Variants in PARD3B observed in about 807,000 individuals in gnomAD.
PARD3B encodes the protein partitioning defective 3 homolog B.
PARD3B carries 103 observed loss-of-function variants against 130.2 expected under a neutral mutation model. That is an observed-to-expected ratio of 0.79 (90% CI 0.67 to 0.93). The LOEUF (loss-of-function observed/expected upper bound fraction) is 0.93. PARD3B is among the 40% of genes least tolerant of loss of function. PARD3B has a pLI of 0.00. For missense variants in PARD3B, 1,609 were observed against 1,499.2 expected, an observed-to-expected ratio of 1.07 and a Z score of -1.21; for synonymous variants, 583 against 553.2, an observed-to-expected ratio of 1.05 and a Z score of -0.76.
At chr2:205,001,809 C>T (rs1396495168) in intron 3 of PARD3B, among the ~76,000 whole-genome samples, 1 of 152,182 alleles carries the variant, frequency 6.6e-6, no homozygotes, top group Non-Finnish European at 1.5e-5. Flanking sequence ...TTGTTCCAGG[C>T]TGATGTGCGC....
intron 19 of PARD3B, among the ~76,000 whole-genome samples, chr2:205,433,989 C>T (rs372853918): frequency 1.3e-5 from 2 of 152,298 alleles, no homozygotes; most frequent in African/African-American, 4.8e-5. Flanking sequence ...TTTTGGTAAA[C>T]ATATGTCGTC....
At chr2:204,978,291 G>C (rs1033352198) in intron 3 of PARD3B, among the ~76,000 whole-genome samples, 30 of 152,164 alleles carry the variant, frequency 2.0e-4, no homozygotes, top group Non-Finnish European at 1.0e-4. Flanking sequence ...GATCAATAAT[G>C]CTTTTAAAAT....
At chr2:205,521,982 A>G (rs562958415) in intron 21 of PARD3B, among the ~76,000 whole-genome samples, 2 of 152,154 alleles carry the variant, frequency 1.3e-5, no homozygotes, top group South Asian at 4.1e-4. Context: ...ATAGATACAG[A>G]TATTTGGAAA....
intron 6 of PARD3B, among the ~76,000 whole-genome samples, chr2:205,114,347 G>T (rs1165684469): frequency 6.6e-6 from 1 of 152,000 alleles, no homozygotes; most frequent in Non-Finnish European, 1.5e-5. Flanking sequence ...GTAATAAGAC[G>T]ACCACATTTA....
At position 205,263,588 on chromosome 2, in the gene PARD3B, G is replaced by A. The variant is rs1288251470; in HGVS notation, c.2185+17766G>A. Among the ~76,000 whole-genome samples, 2 of 151,020 alleles carry A rather than the reference G, an allele frequency of 1.3e-5. No homozygotes were observed. Among genetic ancestry groups the A allele is most frequent in the East Asian group, 3.9e-4 (2 of 5,154 alleles). ...AGAAGCTAATCTGACATGGTTCACAGATCTTAAATGTGAGCACTAAAACTA... is the reference window on the plus strand; with the variant it reads ...AGAAGCTAATCTGACATGGTTCACAAATCTTAAATGTGAGCACTAAAACTA... On this transcript the variant is annotated intron_variant, in intron 16 of 22. Coordinates refer to ENST00000406610, the MANE Select transcript of PARD3B (RefSeq NM_001302769.2). This position sits in a 1 kb window ranked among gnomAD's most constrained non-coding sequence, Gnocchi z 4.0.
intron 2 of PARD3B, among the ~76,000 whole-genome samples, chr2:204,753,293 A>G (rs2040536606): frequency 6.6e-6 from 1 of 152,206 alleles, no homozygotes; most frequent in African/African-American, 2.4e-5. Flanking sequence ...TTTTAAAAAT[A>G]TCTTCAGTTT....
chr2:205,042,425 C>G (rs561043333), intron 3 of PARD3B, among the ~76,000 whole-genome samples: 1 of 152,052 alleles, frequency 6.6e-6, no homozygotes, highest in Non-Finnish European at 1.5e-5. Context: ...GTAAGTTTTT[C>G]CTGAATGTGG....
rs75418921 is a variant in PARD3B at position 204,667,486 on chromosome 2, T to C, written c.121-18695T>C. ...CTTCTGAGTTCCAGTCCCAGATTTTTAGCTGCCTGTTAGACTTCTTTACCT... is the reference window on the plus strand; with the variant it reads ...CTTCTGAGTTCCAGTCCCAGATTTTCAGCTGCCTGTTAGACTTCTTTACCT... On this transcript the variant is annotated intron_variant, in intron 1 of 22. Transcript: ENST00000406610. 3.5e-4 allele frequency among the ~76,000 whole-genome samples: 53 copies of C among 152,316 alleles called. 1 individual carries two copies. The East Asian group carries it at 0.01, about 29-fold the overall frequency.
chr2:204,888,884 T>C (rs1467516631), intron 2 of PARD3B, among the ~76,000 whole-genome samples: 3 of 152,146 alleles, frequency 2.0e-5, no homozygotes, highest in Non-Finnish European at 4.4e-5. Context: ...AGGTATTTTA[T>C]GAAACATAAG....
chr2:205,078,874 C>G lies in PARD3B; in HGVS notation c.505-25552C>G, dbSNP rs1414144661. On this transcript the variant is annotated intron_variant, in intron 4 of 22. Transcript: ENST00000406610. This position sits in a 1 kb window ranked among gnomAD's most constrained non-coding sequence, Gnocchi z 4.0. The stretch of plus-strand genomic sequence containing the variant: ...GCTAGAAAGGCCATGTGTAGGCAAT[C>G]TAGTTGGCAGCCATGGCAGATCTCC... Among the ~76,000 whole-genome samples, 5 of 152,202 alleles carry G rather than the reference C, an allele frequency of 3.3e-5. No homozygotes were observed. Among genetic ancestry groups the G allele is most frequent in the Non-Finnish European group, 5.9e-5 (4 of 68,038 alleles).
rs1553553120 is a variant in PARD3B, at chr2:205,583,400, TGC to T, written c.3260+30004_3260+30005del. On this transcript the variant is annotated intron_variant, in intron 22 of 22. Coordinates refer to ENST00000406610, the MANE Select transcript of PARD3B (RefSeq NM_001302769.2). ...CTCTGTGTGTGTGTGTGTGTGTGTG[TGC>T]GCGCGCACGCGCGTGTGAGAGAGAG... 9.9e-4 allele frequency among the ~76,000 whole-genome samples: 132 copies of T among 133,994 alleles called. 2 individuals carry two copies. Among genetic ancestry groups the T allele is most frequent in the African/African-American group, 3.7e-3 (124 of 33,468 alleles). 87.9% of individuals were successfully genotyped at this position (133,994 alleles called of 152,430 possible).
intron 10 of PARD3B, among the ~76,000 whole-genome samples, chr2:205,156,669 G>A (rs2034190804): frequency 1.3e-5 from 2 of 152,074 alleles, no homozygotes; most frequent in African/African-American, 4.8e-5. Flanking sequence ...TTCCTCATCT[G>A]TGGAATGGAC....
chr2:204,948,504 A>G lies in PARD3B; in HGVS notation c.223-16648A>G, dbSNP rs572148567. 1.1e-3 allele frequency among the ~76,000 whole-genome samples: 171 copies of G among 152,212 alleles called. 1 individual carries two copies. The highest frequency in any genetic ancestry group is 1.8e-3 in the Non-Finnish European group (122 of 68,042). ...GACTTCCGTTTAGATTTGACTAGAT[A>G]AATGGGTTCACCTTTGCCAAAAAGC... is the stretch of plus-strand genomic sequence containing the variant. On this transcript the variant is annotated intron_variant, in intron 2 of 22. Transcript: ENST00000406610.
chr2:205,367,115 T>C (rs184177498), intron 18 of PARD3B, among the ~76,000 whole-genome samples: 6 of 152,350 alleles, frequency 3.9e-5, no homozygotes, highest in Admixed American at 2.6e-4. Flanking sequence ...TCAAGAATGA[T>C]TGGAGCTGTG....
At chr2:204,694,797 T>C (rs1032388387) in intron 2 of PARD3B, among the ~76,000 whole-genome samples, 4 of 152,066 alleles carry the variant, frequency 2.6e-5, no homozygotes, top group Non-Finnish European at 5.9e-5. Context: ...TATGGGTGTA[T>C]GTGTGTATGT....
chr2:204,847,170 CTTT>C (rs528059401), intron 2 of PARD3B, among the ~76,000 whole-genome samples: 4 of 135,654 alleles, frequency 2.9e-5, no homozygotes. Flanking sequence ...AACTTTCTTT[CTTT>C]TTTTTTTTTT....
In PARD3B at chr2:205,241,622, G is replaced by T. The variant is rs1464060340; in HGVS notation, c.2141-4156G>T. On this transcript the variant is annotated intron_variant, in intron 15 of 22. Coordinates refer to ENST00000406610, the MANE Select transcript of PARD3B (RefSeq NM_001302769.2). The surrounding 1 kb of genome is among the most constrained non-coding windows in gnomAD (Gnocchi z 4.2). ...AAGAAAGAAAAGGAGAAAAAATTCT[G>T]TCATCAGAACGAGAACAAGAAACTT... Among the ~76,000 whole-genome samples, 3 of 152,118 alleles carry T rather than the reference G, an allele frequency of 2.0e-5. No individual in the cohort carries two copies. Among genetic ancestry groups the T allele is most frequent in the African/African-American group, 7.2e-5 (3 of 41,454 alleles).
In PARD3B at chr2:205,108,831, C is replaced by T. The variant is rs188726877; in HGVS notation, c.593+4317C>T. Among the ~76,000 whole-genome samples the T allele has an allele frequency of 6.0e-3, 911 of 152,174 alleles. 7 individuals carry two copies. Among genetic ancestry groups the T allele is most frequent in the Admixed American group, 0.011 (168 of 15,288 alleles). ...TGACTCTATAGAAATGGTATGATGT[C>T]GGACAAGTTATTAAACTCTCTAAGC... On this transcript the variant is annotated intron_variant, in intron 5 of 22. Coordinates refer to ENST00000406610, the MANE Select transcript of PARD3B (RefSeq NM_001302769.2).
intron 3 of PARD3B, among the ~76,000 whole-genome samples, chr2:204,974,203 G>A (rs1691944105): frequency 1.3e-5 from 2 of 152,110 alleles, no homozygotes; most frequent in Non-Finnish European, 2.9e-5. Flanking sequence ...GAACTTTGGG[G>A]GGTTTTGGTG....
Sources: gnomAD v4.1 joint callset for allele counts (sites outside exome capture counted in the v4.1 genomes callset) on GRCh38, gnomAD v4.1.1 for gene constraint, Gnocchi (gnomAD v3.1) non-coding constraint, MANE v1.5 for transcripts, NCBI Gene and HGNC (gene_info 2026-07-23, HGNC 2026-07-21) for gene names.